TRPM4: variants seen among roughly 807,000 people sequenced by gnomAD.
TRPM4 encodes the protein transient receptor potential cation channel subfamily M member 4.
Under a neutral mutation model 135.6 loss-of-function variants are expected in TRPM4, and 124 were observed. The observed-to-expected ratio is 0.91, with a 90% confidence interval of 0.79 to 1.06. TRPM4 has a LOEUF of 1.06. TRPM4 is among the 50% of genes least tolerant of loss of function. The probability of loss-of-function intolerance (pLI) is 0.00; values close to 1 mark genes in which losing one functional copy is unlikely to be tolerated. For synonymous variants in TRPM4, 745 were observed against 705.6 expected, an observed-to-expected ratio of 1.06 and a Z score of -0.88; for missense variants, 1,658 against 1,671.4, an observed-to-expected ratio of 0.99 and a Z score of 0.14.
At chr19:49,173,390 C>A (rs371831128) in intron 9 of TRPM4, among the ~76,000 whole-genome samples, 9 of 152,340 alleles carry the variant, frequency 5.9e-5, no homozygotes, top group Middle Eastern at 6.8e-3. Context: ...CTCCATCCAC[C>A]CATCTTCCAT....
At chr19:49,190,160 C>T (rs149846926) in intron 14 of TRPM4, 48 bp from the exon 15 acceptor site, 208 of 1,527,520 alleles carry the variant, frequency 1.4e-4, no homozygotes, top group African/African-American at 1.0e-3. Flanking sequence ...GTCTTAGGGA[C>T]GGGGCTGTGG....
rs373741538 is a variant in TRPM4 at position 49,200,718 on chromosome 19, C to T, written c.2886C>T (p.Ile962=). The T allele has an allele frequency of 6.2e-7, 1 of 1,614,094 alleles. No individual in the cohort carries two copies. Among genetic ancestry groups the T allele is most frequent in the Non-Finnish European group, 8.5e-7 (1 of 1,180,032 alleles). Residue 962 remains isoleucine (I), a synonymous_variant, in exon 19 of 25, where the codon ATC becomes ATT. Coordinates refer to ENST00000252826, the MANE Select transcript of TRPM4 (RefSeq NM_017636.4). ...CACGGGACAGTGACTTCCCAAGTAT[C>T]CTGCGCCGCGTCTTCTACCGTCCCT... ...LRPRDSDFPS[I]LRRVFYRPYL... is the part of the protein sequence containing the mutation.
At chr19:49,196,416 C>A in intron 16 of TRPM4, 24 bp from the exon 17 acceptor site, 1 of 1,521,584 alleles carries the variant, frequency 6.6e-7, no homozygotes, top group South Asian at 1.3e-5. Context: ...GAGGCCTCCT[C>A]CCTTCTCTTC....
intron 3 of TRPM4, 54 bp downstream of exon 3, chr19:49,166,269 G>A (rs1211702160): frequency 5.9e-6 from 9 of 1,528,858 alleles, no homozygotes; most frequent in Non-Finnish European, 7.9e-6. Context: ...GCATGCTCGG[G>A]GCTCCAGAGT....
At position 49,181,341 on chromosome 19, in the gene TRPM4, C is replaced by T. The variant is rs781464329; in HGVS notation, c.1151-8C>T. The stretch of plus-strand genomic sequence containing the variant: ...ACTTCTTGTCCCCTCTCCCTCTAAT[C>T]CTTCCAGCCTGTGGGAGCTCGGAGG... On this transcript the variant is annotated splice_polypyrimidine_tract_variant and splice_region_variant and intron_variant, in intron 9 of 24. Transcript: ENST00000252826. The T allele has an allele frequency of 5.0e-6, 8 of 1,608,404 alleles. No homozygotes were observed. In the South Asian group the frequency reaches 8.8e-5, roughly 18 times the overall value.
intron 12 of TRPM4, 122 bp downstream of exon 12, chr19:49,183,334 C>T (rs1012083666): frequency 7.3e-6 from 9 of 1,241,300 alleles, no homozygotes; most frequent in African/African-American, 5.9e-5. Context: ...CCCCATCCTC[C>T]GTCGCTGATA....
rs1399434590 is a variant in TRPM4 at position 49,196,833 on chromosome 19, C to T, written c.2604C>T (p.Asp868=). 1.9e-6 allele frequency: 3 copies of T among 1,591,616 alleles called. No individual in the cohort carries two copies. Among genetic ancestry groups the T allele is most frequent in the Non-Finnish European group, 2.6e-6 (3 of 1,176,450 alleles). The stretch of plus-strand genomic sequence containing the variant: ...TCGCCGACAGCTGGAACCAGTGCGA[C>T]CTAGTGGCTCTCACCTGCTTCCTCC... ...LYLADSWNQC[D]LVALTCFLLG... Residue 868 remains aspartate (D), a synonymous_variant, in exon 17 of 25, where the codon GAC becomes GAT. Coordinates refer to ENST00000252826, the MANE Select transcript of TRPM4 (RefSeq NM_017636.4).
chr19:49,183,285 C>T lies in TRPM4; in HGVS notation c.1743+73C>T, dbSNP rs1268042304. 8.1e-6 allele frequency: 13 copies of T among 1,598,364 alleles called. No homozygotes were observed. The East Asian group carries it at 2.2e-4, about 28-fold the overall frequency. On this transcript the variant is annotated intron_variant, in intron 12 of 24. Coordinates refer to ENST00000252826, the MANE Select transcript of TRPM4 (RefSeq NM_017636.4). ...GATGCCAGTGTTCCCGAAACAATTA[C>T]CATACAATTCCCCGACCCCTGACGT... is the stretch of plus-strand genomic sequence containing the variant.
At chr19:49,168,814 T>G in intron 6 of TRPM4, 78 bp downstream of exon 6, 2 of 1,460,718 alleles carry the variant, frequency 1.4e-6, no homozygotes, top group South Asian at 2.4e-5. Flanking sequence ...AGTAGTTTGG[T>G]CTGGTCGAGA....
In TRPM4 at chr19:49,203,421, C is replaced by T. The variant is rs186675347; in HGVS notation, c.3131+1280C>T. The stretch of plus-strand genomic sequence containing the variant: ...GTTTCGATCTCCTGACCTTGTGATC[C>T]GCCCGCCTTGGCCTCCCAGAGTGCT... On this transcript the variant is annotated intron_variant, in intron 20 of 24. Transcript: ENST00000252826. Among the ~76,000 whole-genome samples, 81 of 152,272 alleles carry T rather than the reference C, an allele frequency of 5.3e-4. 1 individual carries two copies. Among genetic ancestry groups the T allele is most frequent in the East Asian group, 4.1e-3 (21 of 5,174 alleles).
In TRPM4 at chr19:49,211,008, T is replaced by C. The variant is rs771356800; in HGVS notation, c.3462-7T>C. 6.2e-7 allele frequency: 1 copy of C among 1,613,796 alleles called. No homozygotes were observed. Among genetic ancestry groups the C allele is most frequent in the Non-Finnish European group, 8.5e-7 (1 of 1,179,902 alleles). ...GGTGCCCCCGGTAAGAGGCCCTCCC[T>C]TCTCAGGGTGGACTTGGCACTGAAA... On this transcript the variant is annotated splice_polypyrimidine_tract_variant and splice_region_variant and intron_variant, in intron 22 of 24. Transcript: ENST00000252826. This position sits in a 1 kb window ranked among gnomAD's most constrained non-coding sequence, Gnocchi z 4.8.
intron 2 of TRPM4, chr19:49,158,608 A>C: frequency 3.6e-6 from 1 of 279,462 alleles, no homozygotes; most frequent in East Asian, 8.7e-5. Flanking sequence ...TCATTCATTC[A>C]TTCATTCATT....
At chr19:49,168,185 AGT>A (rs35449031) in intron 4 of TRPM4, 73 bp from the exon 5 acceptor site, 248 of 1,537,726 alleles carry the variant, frequency 1.6e-4, no homozygotes, top group Non-Finnish European at 1.8e-4. Context: ...CCCGCCGCCC[AGT>A]GTGTGTGTGT....
In TRPM4 at chr19:49,175,018, C is replaced by T. The variant is rs541439430; in HGVS notation, c.1150+2910C>T. ...TCCTGGGCTCAAGAGATCCTCTCAC[C>T]TCAGCCCCACAAGTAGCTGGGACCA... On this transcript the variant is annotated intron_variant, in intron 9 of 24. Transcript: ENST00000252826. Among the ~76,000 whole-genome samples, 109 of 150,386 alleles carry T rather than the reference C, an allele frequency of 7.2e-4. 1 individual carries two copies. Among genetic ancestry groups the T allele is most frequent in the African/African-American group, 2.6e-3 (104 of 40,722 alleles).
intron 6 of TRPM4, among the ~76,000 whole-genome samples, chr19:49,169,844 C>T (rs868569275): frequency 2.0e-5 from 3 of 152,184 alleles, no homozygotes; most frequent in African/African-American, 7.2e-5. Context: ...GGTCGTGAGC[C>T]ACTGCGCCCA....
At chr19:49,206,037 T>G (rs1023416907) in intron 20 of TRPM4, among the ~76,000 whole-genome samples, 3 of 152,160 alleles carry the variant, frequency 2.0e-5, no homozygotes, top group African/African-American at 7.2e-5. Context: ...CTCTGCTCAC[T>G]GCAACATCCG....
chr19:49,196,939 G>T, intron 17 of TRPM4, 65 bp downstream of exon 17: 1 of 1,469,808 alleles, frequency 6.8e-7, no homozygotes, highest in South Asian at 1.3e-5. Flanking sequence ...GCCCACTCCC[G>T]GGGTCTCCAC....
chr19:49,202,003 G>T lies in TRPM4; in HGVS notation c.2993G>T (p.Gly998Val). The T allele has an allele frequency of 6.2e-7, 1 of 1,613,614 alleles. No individual in the cohort carries two copies. Among genetic ancestry groups the T allele is most frequent in the South Asian group, 1.1e-5 (1 of 91,050 alleles). ...CACAGCAACTGCTCGTCGGAGCCCG[G>T]CTTCTGGGCACACCCTCCTGGGGCC... Reference protein sequence around the residue: ...MEHSNCSSEPGFWAHPPGAQA... With the variant: ...MEHSNCSSEPVFWAHPPGAQA... The change falls in exon 20 of 25, where the codon GGC (glycine) becomes GTC (valine). Residue 998 changes from glycine to valine, a missense_variant. Coordinates refer to ENST00000252826, the MANE Select transcript of TRPM4 (RefSeq NM_017636.4).
chr19:49,183,345 T>C (rs746371266), intron 12 of TRPM4, 133 bp downstream of exon 12: 20 of 1,067,198 alleles, frequency 1.9e-5, no homozygotes, highest in Non-Finnish European at 2.7e-5. Flanking sequence ...GTCGCTGATA[T>C]ATGCCTCCAA....
Sources: gnomAD v4.1 joint callset for allele counts (sites outside exome capture counted in the v4.1 genomes callset) on GRCh38, gnomAD v4.1.1 for gene constraint, Gnocchi (gnomAD v3.1) non-coding constraint, MANE v1.5 for transcripts, NCBI Gene and HGNC (gene_info 2026-07-23, HGNC 2026-07-21) for gene names.